Variants in SPTBN2 observed in about 807,000 individuals in gnomAD.
The protein encoded by SPTBN2 is spectrin beta, non-erythrocytic 2, also known as spectrin beta chain, non-erythrocytic 2.
In SPTBN2, 107 loss-of-function variants were observed where a neutral mutation model predicts 284.2. That is an observed-to-expected ratio of 0.38 (90% CI 0.32 to 0.44). The LOEUF (loss-of-function observed/expected upper bound fraction) is 0.44, where lower values mean the gene tolerates loss of function less well. SPTBN2 is among the 20% of genes least tolerant of loss of function. The pLI is 1.00. For synonymous variants in SPTBN2, 1,289 were observed against 1,354.8 expected (o/e 0.95, Z 1.07); for missense variants, 2,569 against 3,287.1 (o/e 0.78, Z 5.34).
chr11:66,694,426 A>C, intron 21 of SPTBN2, 63 bp from the exon 22 acceptor site: 1 of 1,529,432 alleles, frequency 6.5e-7, no homozygotes, highest in Non-Finnish European at 8.9e-7. Context: ...CCCAGCAGAG[A>C]CACCAACCAG....
At chr11:66,738,120 C>T (rs1942868546) in intron 1 of SPTBN2, among the ~76,000 whole-genome samples, 1 of 152,080 alleles carries the variant, frequency 6.6e-6, no homozygotes, top group South Asian at 2.1e-4. Flanking sequence ...GAGGCTGAGG[C>T]AGGAGAATCA....
Position 66,708,303 on chromosome 11 carries a change from TGGGGTG to T in SPTBN2, c.1192-10_1192-5del, listed in dbSNP as rs1565142638. On this transcript the variant is annotated splice_region_variant and splice_polypyrimidine_tract_variant and intron_variant, in intron 11 of 37. Coordinates refer to ENST00000533211, the MANE Select transcript of SPTBN2 (RefSeq NM_006946.4). The surrounding 1 kb of genome is among the most constrained non-coding windows in gnomAD (Gnocchi z 4.4). ...CCTTCTCCAGCCGCTCCCAAGCCTA[TGGGGTG>T]GGGACAGGGTTAGTGGAAGGGACAG... is the stretch of plus-strand genomic sequence containing the variant. 6.3e-7 allele frequency: 1 copy of T among 1,583,114 alleles called. No homozygotes were observed. The highest frequency in any genetic ancestry group is 2.3e-5 in the East Asian group (1 of 44,164).
In SPTBN2 at chr11:66,694,166, C is replaced by T. The variant is rs1168475068; in HGVS notation, c.4476G>A (p.Gln1492=). ...RRLQASREQH[Q]FHRDVEDEIL... Reference sequence around the variant, plus strand: ...TCTCATCTTCCACATCGCGGTGGAACTGGTGCTGCTCGCGAGAAGCCTGCA... The same window carrying T: ...TCTCATCTTCCACATCGCGGTGGAATTGGTGCTGCTCGCGAGAAGCCTGCA... The change falls in exon 22 of 38, where the codon CAG becomes CAA. Residue 1492 remains glutamine, a synonymous_variant. Coordinates refer to ENST00000533211, the MANE Select transcript of SPTBN2 (RefSeq NM_006946.4). 2.5e-6 allele frequency: 4 copies of T among 1,610,514 alleles called. No homozygotes were observed. The highest frequency in any genetic ancestry group is 3.4e-6 in the Non-Finnish European group (4 of 1,180,028).
At chr11:66,699,198 T>C in intron 18 of SPTBN2, 116 bp from the exon 19 acceptor site, 1 of 1,385,344 alleles carries the variant, frequency 7.2e-7, no homozygotes, top group Non-Finnish European at 1.0e-6. Context: ...GGGAGCACAA[T>C]GAGGCTACCC....
At chr11:66,714,828 T>C (rs1040369659) in intron 5 of SPTBN2, among the ~76,000 whole-genome samples, 21 of 151,966 alleles carry the variant, frequency 1.4e-4, no homozygotes, top group African/African-American at 2.4e-4. Flanking sequence ...GACTGTTCCA[T>C]TGGGGGAGGC....
In SPTBN2 at chr11:66,687,553, G is replaced by A; in HGVS notation, c.6596C>T (p.Ser2199Phe). The change falls in exon 35 of 38, where the codon TCT (serine) becomes TTT (phenylalanine). Residue 2199 changes from serine (S) to phenylalanine (F), a missense_variant. This residue lies in a region of SPTBN2 where 1,130 missense variants were observed against 1,317.3 expected (regional missense o/e 0.86). Transcript: ENST00000533211. The surrounding 1 kb of genome is among the most constrained non-coding windows in gnomAD (Gnocchi z 5.2). ...GGTGGCAGCATGGGCTGACTCGGTA[G>A]ACCTGCTCTGGGGCATTGCAGATGG... Reference protein sequence around the residue: ...PAPSAMPQSRSTESAHAATLP... With the variant: ...PAPSAMPQSRFTESAHAATLP... The A allele has an allele frequency of 6.2e-7, 1 of 1,612,230 alleles. No homozygotes were observed. Among genetic ancestry groups the A allele is most frequent in the Non-Finnish European group, 8.5e-7 (1 of 1,179,994 alleles).
rs746800875 is a variant in SPTBN2 at position 66,704,945 on chromosome 11, G to C, written c.2331C>G (p.His777Gln). The C allele has an allele frequency of 6.2e-7, 1 of 1,610,750 alleles. No homozygotes were observed. The highest frequency in any genetic ancestry group is 1.1e-5 in the South Asian group (1 of 91,086). ...CTAGAGCCTGCGTGGAGAACTCGTCGTGCCCCAGCTCGGGGCTGGACACCA... is the reference window on the plus strand; with the variant it reads ...CTAGAGCCTGCGTGGAGAACTCGTCCTGCCCCAGCTCGGGGCTGGACACCA... The part of the protein sequence containing the change: ...LRLVSSPELG[H>Q]DEFSTQALAR... The change falls in exon 15 of 38, where the codon CAC (histidine) becomes CAG (glutamine). Residue 777 changes from histidine (H) to glutamine (Q), a missense_variant. By Grantham distance (24) the His-to-Gln change is conservative. This residue lies in a region of SPTBN2 where 1,012 missense variants were observed against 1,248.9 expected (regional missense o/e 0.81). Coordinates refer to ENST00000533211, the MANE Select transcript of SPTBN2 (RefSeq NM_006946.4).
chr11:66,709,000 A>G lies in SPTBN2; in HGVS notation c.1093T>C (p.Leu365=). The G allele has an allele frequency of 6.2e-7, 1 of 1,613,794 alleles. No homozygotes were observed. Among genetic ancestry groups the G allele is most frequent in the South Asian group, 1.1e-5 (1 of 91,034 alleles). The part of the protein sequence containing the change: ...KPPKFTEKGN[L]EVLLFTIQSK... ...TGGATGGTGAAGAGCAGCACTTCCA[A>G]GTTCCCTTTCTCGGTAAACCTGAGG... Residue 365 remains leucine (L), a synonymous_variant, in exon 11 of 38, where the codon TTG becomes CTG. Transcript: ENST00000533211. This position sits in a 1 kb window ranked among gnomAD's most constrained non-coding sequence, Gnocchi z 4.4.
At chr11:66,697,239 C>A (rs1179108256) in intron 20 of SPTBN2, among the ~76,000 whole-genome samples, 1 of 152,138 alleles carries the variant, frequency 6.6e-6, no homozygotes, top group Non-Finnish European at 1.5e-5. Context: ...CTCCACCCCC[C>A]TACTGATCAT....
Position 66,722,393 on chromosome 11 carries a change from G to A in SPTBN2, c.-113-953C>T, listed in dbSNP as rs185570935. On this transcript the variant is annotated intron_variant, in intron 1 of 37. Transcript: ENST00000533211. ...ATCGAGACCATCCCTGGCTAACACG[G>A]TGAAACCCCGTCTCTACTAAAAAAT... Among the ~76,000 whole-genome samples the A allele has an allele frequency of 7.2e-3, 1,099 of 151,868 alleles. 12 individuals are homozygous for A. Among genetic ancestry groups the A allele is most frequent in the African/African-American group, 0.025 (1,044 of 41,374 alleles).
Position 66,693,188 on chromosome 11 carries a change from T to G in SPTBN2, c.4852A>C (p.Lys1618Gln). ...ELHMMGQEKAKDELSAQAEVK... is the reference protein window; with the variant it reads ...ELHMMGQEKAQDELSAQAEVK... Reference sequence around the variant, plus strand: ...CTGGGCTCTGTCCTGGCCCTCACCTTGGCCTTCTCCTGGCCCATCATGTGT... The same window carrying G: ...CTGGGCTCTGTCCTGGCCCTCACCTGGGCCTTCTCCTGGCCCATCATGTGT... The change falls in exon 24 of 38, where the codon AAG becomes CAG. Residue 1618 changes from lysine (K) to glutamine (Q), a missense_variant and splice_region_variant. By Grantham distance (53) the Lys-to-Gln change is moderately conservative (BLOSUM62 1). Around this residue, in one of 6 missense-constraint regions of SPTBN2, gnomAD observed 1,130 missense variants for 1,317.3 expected, o/e 0.86. Coordinates refer to ENST00000533211, the MANE Select transcript of SPTBN2 (RefSeq NM_006946.4). The surrounding 1 kb of genome is among the most constrained non-coding windows in gnomAD (Gnocchi z 5.7). 6.2e-7 allele frequency: 1 copy of G among 1,614,214 alleles called. No homozygotes were observed. Among genetic ancestry groups the G allele is most frequent in the Non-Finnish European group, 8.5e-7 (1 of 1,180,020 alleles).
intron 21 of SPTBN2, 80 bp downstream of exon 21, chr11:66,696,197 T>A (rs1443422639): frequency 6.4e-7 from 1 of 1,573,300 alleles, no homozygotes; most frequent in Non-Finnish European, 8.6e-7. Context: ...CTGCCAGGCC[T>A]CAGCTGGCCT....
rs78894466 is a variant in SPTBN2, at chr11:66,686,529, A to G, written c.6897-89T>C. On this transcript the variant is annotated intron_variant, in intron 36 of 37. Coordinates refer to ENST00000533211, the MANE Select transcript of SPTBN2 (RefSeq NM_006946.4). ...GAGAGCGTAATCATGACCCAACACC[A>G]GGCTGGGACATCTGGCTGCAGCCCT... The G allele has an allele frequency of 4.1e-3, 5,846 of 1,422,994 alleles. 207 individuals are homozygous for G. The African/African-American group carries it at 0.07, about 17-fold the overall frequency. 88.1% of individuals were successfully genotyped at this position (1,422,994 alleles called of 1,614,324 possible).
rs1440848855 is a variant in SPTBN2 at position 66,728,979 on chromosome 11, TC to T, written c.-353del. On this transcript the variant is annotated 5_prime_UTR_variant, in exon 1 of 38. Transcript: ENST00000533211. ...AACATCTCCATGGCACAGTGAAGAT[TC>T]GTCTTCTACAGATCAGATGCTCCAA... 2 of 152,176 alleles carry T rather than the reference TC, an allele frequency of 1.3e-5. No homozygotes were observed. The highest frequency in any genetic ancestry group is 4.8e-5 in the African/African-American group (2 of 41,346). 9.4% of individuals were successfully genotyped at this position (152,176 alleles called of 1,614,324 possible).
rs781190180 is a variant in SPTBN2 at position 66,689,110 on chromosome 11, T to TC, written c.6019dup (p.Asp2007GlyfsTer34). 6.2e-7 allele frequency: 1 copy of TC among 1,608,732 alleles called. No individual in the cohort carries two copies. Among genetic ancestry groups the TC allele is most frequent in the Non-Finnish European group, 8.5e-7 (1 of 1,177,414 alleles). On this transcript the variant is annotated frameshift_variant, in exon 30 of 38. Transcript: ENST00000533211. LOFTEE classifies it high-confidence loss of function. Reference sequence around the variant, plus strand: ...TGGCAGCTCACCCAGCTGAAGCCAGTCCATCTTCTCCTGCCACTTCTCAGC... The same window carrying TC: ...TGGCAGCTCACCCAGCTGAAGCCAGTCCCATCTTCTCCTGCCACTTCTCAGC...
In SPTBN2 at chr11:66,686,487, G is replaced by T. The variant is rs1940122129; in HGVS notation, c.6897-47C>A. On this transcript the variant is annotated intron_variant, in intron 36 of 37. Transcript: ENST00000533211. ...AGGGCAGAGCTGAGAATCCGGATCT[G>T]CCAGGTAGCTGCTGGTGAGAGCGTA... 3.7e-6 allele frequency: 6 copies of T among 1,607,312 alleles called. No homozygotes were observed. The East Asian group carries it at 1.1e-4, about 30-fold the overall frequency.
rs772260509 is a variant in SPTBN2 at position 66,700,732 on chromosome 11, G to A, written c.3367C>T (p.Arg1123Trp). ...EVERAQSEYS[R>W]LRALGEEVTR... ...ACCTCCTCGCCCAGGGCTCGCAGCC[G>A]GCTATACTCGCTCTGGGCCCGCTCC... is the stretch of plus-strand genomic sequence containing the variant. The change falls in exon 17 of 38, where the codon CGG becomes TGG. Residue 1123 changes from arginine (R) to tryptophan (W), a missense_variant. Coordinates refer to ENST00000533211, the MANE Select transcript of SPTBN2 (RefSeq NM_006946.4). This position sits in a 1 kb window ranked among gnomAD's most constrained non-coding sequence, Gnocchi z 6.6. 2.9e-5 allele frequency: 46 copies of A among 1,603,276 alleles called. No homozygotes were observed. The highest frequency in any genetic ancestry group is 4.5e-5 in the East Asian group (2 of 44,876).
intron 1 of SPTBN2, among the ~76,000 whole-genome samples, chr11:66,743,271 T>C (rs1318722258): frequency 6.6e-6 from 1 of 152,096 alleles, no homozygotes; most frequent in Non-Finnish European, 1.5e-5. Context: ...TGTGAGCAAC[T>C]GAGATGGGGA....
chr11:66,697,304 C>A (rs761237442), intron 20 of SPTBN2, among the ~76,000 whole-genome samples: 4 of 152,170 alleles, frequency 2.6e-5, no homozygotes, highest in Non-Finnish European at 4.4e-5. Context: ...TAGGGGAACA[C>A]AAACCCAGAC....
Sources: allele counts gnomAD v4.1 joint callset (sites outside exome capture counted in the v4.1 genomes callset), GRCh38; gene constraint gnomAD v4.1.1; regional missense constraint gnomAD v4.1.1; non-coding constraint Gnocchi (gnomAD v3.1); transcripts MANE v1.5; gene names NCBI Gene and HGNC (gene_info 2026-07-23, HGNC 2026-07-21).